The following FAT3 variants were observed in gnomAD, a reference collection of about 807,000 sequenced individuals.
The protein encoded by FAT3 is protocadherin Fat 3.
A neutral mutation model predicts 310.2 loss-of-function variants in FAT3; 95 were observed. That is an observed-to-expected ratio of 0.31 (90% CI 0.26 to 0.36). The LOEUF is 0.36. Ranked by LOEUF, FAT3 falls within the 10% of genes least tolerant of loss-of-function variation. The pLI is 1.00. For synonymous variants in FAT3, 2,314 were observed against 2,192.9 expected, an observed-to-expected ratio of 1.06 and a Z score of -1.54; for missense variants, 5,408 against 5,715.6, an observed-to-expected ratio of 0.95 and a Z score of 1.74.
intron 7 of FAT3, among the ~76,000 whole-genome samples, chr11:92,783,011 T>A (rs1021102665): frequency 1.3e-5 from 2 of 152,204 alleles, no homozygotes; most frequent in Non-Finnish European, 2.9e-5. Flanking sequence ...GGCATCTCCC[T>A]CATCAGGGTT....
At chr11:92,842,988 CTT>C (rs1010172006) in intron 18 of FAT3, among the ~76,000 whole-genome samples, 2 of 152,302 alleles carry the variant, frequency 1.3e-5, no homozygotes, top group African/African-American at 2.4e-5. Flanking sequence ...CACTGACTCT[CTT>C]TTAATCCCCA....
chr11:92,781,533 G>A lies in FAT3; in HGVS notation c.4335+7353G>A, dbSNP rs189245930. On this transcript the variant is annotated intron_variant, in intron 7 of 27. Coordinates refer to ENST00000525166, the MANE Select transcript of FAT3 (RefSeq NM_001367949.2). ...CCTGCTTCTTCTCAAAATCATATACGAGTCCAGGAACATTTCCTACACATT... is the reference window on the plus strand; with the variant it reads ...CCTGCTTCTTCTCAAAATCATATACAAGTCCAGGAACATTTCCTACACATT... Among the ~76,000 whole-genome samples the A allele has an allele frequency of 5.3e-5, 8 of 152,134 alleles. No homozygotes were observed. The South Asian group carries it at 6.2e-4, about 12-fold the overall frequency.
intron 19 of FAT3, among the ~76,000 whole-genome samples, chr11:92,846,241 A>T (rs1283636952): frequency 2.0e-5 from 3 of 152,196 alleles, no homozygotes; most frequent in African/African-American, 7.2e-5. Flanking sequence ...CCAGCTAATT[A>T]ATCCTTGTAC....
intron 2 of FAT3, among the ~76,000 whole-genome samples, chr11:92,457,451 A>G (rs1951520395): frequency 6.6e-6 from 1 of 152,224 alleles, no homozygotes; most frequent in African/African-American, 2.4e-5. Context: ...GCTGCCCATG[A>G]GTTTCTGTGC....
Position 92,805,311 on chromosome 11 carries a change from G to T in FAT3, c.9055G>T (p.Val3019Phe). Residue 3019 changes from valine to phenylalanine, a missense_variant, in exon 11 of 28, where the codon GTC becomes TTC. Physicochemically the swap from Val to Phe is conservative, Grantham distance 50 (BLOSUM62 -1). This residue lies in a region of FAT3 where 4,588 missense variants were observed against 4,809.8 expected (regional missense o/e 0.95). Transcript: ENST00000525166. ...CACACAGGCCATGGTGGAAGTGAGC[G>T]TCAGTGATGTGAATGACAATAGCCC... ...FVTQAMVEVS[V>F]SDVNDNSPVC... The T allele has an allele frequency of 6.2e-7, 1 of 1,613,686 alleles. No homozygotes were observed. The highest frequency in any genetic ancestry group is 2.2e-5 in the East Asian group (1 of 44,836).
chr11:92,762,733 G>A (rs968319892), intron 5 of FAT3, among the ~76,000 whole-genome samples: 4 of 152,094 alleles, frequency 2.6e-5, no homozygotes, highest in Non-Finnish European at 5.9e-5. Flanking sequence ...ACAAGCACGG[G>A]CACCATGTCA....
At chr11:92,299,905 G>A (rs1832498320) in intron 1 of FAT3, among the ~76,000 whole-genome samples, 1 of 152,068 alleles carries the variant, frequency 6.6e-6, no homozygotes, top group Non-Finnish European at 1.5e-5. Flanking sequence ...CATAGCTCCA[G>A]AAAGAAATCT....
intron 13 of FAT3, among the ~76,000 whole-genome samples, chr11:92,829,406 A>G (rs1565630308): frequency 2.6e-5 from 4 of 152,188 alleles, no homozygotes; most frequent in Admixed American, 1.3e-4. Context: ...ATTTATGTCA[A>G]TCGCTGATGT....
intron 2 of FAT3, among the ~76,000 whole-genome samples, chr11:92,422,159 T>G (rs937680255): frequency 6.6e-6 from 1 of 152,186 alleles, no homozygotes; most frequent in African/African-American, 2.4e-5. Flanking sequence ...CACAAGTCTT[T>G]GGAGTACATC....
At chr11:92,303,278 T>C (rs1329319508) in intron 1 of FAT3, among the ~76,000 whole-genome samples, 1 of 152,144 alleles carries the variant, frequency 6.6e-6, no homozygotes, top group Non-Finnish European at 1.5e-5. Context: ...GATCGCTTTA[T>C]TGGCACTAGT....
chr11:92,547,319 C>G (rs1047238165), intron 3 of FAT3, among the ~76,000 whole-genome samples: 1 of 152,114 alleles, frequency 6.6e-6, no homozygotes, highest in Non-Finnish European at 1.5e-5. Flanking sequence ...CTTGTGAAAT[C>G]CCCTGATTAT....
At chr11:92,577,500 T>C (rs184440927) in intron 3 of FAT3, among the ~76,000 whole-genome samples, 11 of 152,250 alleles carry the variant, frequency 7.2e-5, no homozygotes, top group South Asian at 2.1e-4. Context: ...ATGTATACAT[T>C]GTGGAATGAT....
At chr11:92,515,821 G>A (rs1391470291) in intron 2 of FAT3, among the ~76,000 whole-genome samples, 2 of 152,098 alleles carry the variant, frequency 1.3e-5, no homozygotes, top group Non-Finnish European at 2.9e-5. Flanking sequence ...AGTGATGTGT[G>A]TGAAAGTCAT....
chr11:92,717,860 G>A (rs1036278871), intron 4 of FAT3, among the ~76,000 whole-genome samples: 4 of 152,102 alleles, frequency 2.6e-5, no homozygotes, highest in African/African-American at 9.7e-5. Context: ...AAAATCACCA[G>A]CCATGATCTT....
intron 4 of FAT3, among the ~76,000 whole-genome samples, chr11:92,740,144 T>G (rs1364810816): frequency 3.9e-5 from 6 of 152,224 alleles, no homozygotes; most frequent in Non-Finnish European, 8.8e-5. Flanking sequence ...TGTCCAAGAT[T>G]GTAAATCATC....
At chr11:92,597,856 A>G (rs1939791614) in intron 3 of FAT3, among the ~76,000 whole-genome samples, 1 of 152,188 alleles carries the variant, frequency 6.6e-6, no homozygotes. Flanking sequence ...GTTCTCATTC[A>G]TTTAAAAGAT....
At chr11:92,263,539 G>T (rs1163707897) in intron 1 of FAT3, among the ~76,000 whole-genome samples, 1 of 151,838 alleles carries the variant, frequency 6.6e-6, no homozygotes, top group African/African-American at 2.4e-5. Flanking sequence ...AAGATTACAG[G>T]AGATGTGAAT....
intron 2 of FAT3, among the ~76,000 whole-genome samples, chr11:92,515,086 T>G (rs1221635633): frequency 1.3e-5 from 2 of 152,096 alleles, no homozygotes; most frequent in Non-Finnish European, 1.5e-5. Flanking sequence ...TTCATTGATA[T>G]AAACTAGCCT....
intron 1 of FAT3, among the ~76,000 whole-genome samples, chr11:92,320,141 G>A (rs558608104): frequency 1.3e-5 from 2 of 152,292 alleles, no homozygotes; most frequent in Admixed American, 1.3e-4. Flanking sequence ...TCATTTATTA[G>A]GTTGGTGCAA....
Sources: allele counts gnomAD v4.1 joint callset (sites outside exome capture counted in the v4.1 genomes callset), GRCh38; gene constraint gnomAD v4.1.1; regional missense constraint gnomAD v4.1.1; transcripts MANE v1.5; gene names NCBI Gene and HGNC (gene_info 2026-07-23, HGNC 2026-07-21).